The following CTDP1 variants were observed in gnomAD, a reference collection of about 807,000 sequenced individuals.
CTDP1 encodes the protein CTD phosphatase 1.
A neutral mutation model predicts 91.8 loss-of-function variants in CTDP1; 47 were observed. The observed-to-expected ratio is 0.51, with a 90% CI of 0.41 to 0.65. CTDP1 has a LOEUF of 0.65. Ranked by LOEUF, CTDP1 falls within the 30% of genes least tolerant of loss-of-function variation. The pLI is 0.00. For missense variants in CTDP1, 1,272 were observed against 1,373.7 expected, an observed-to-expected ratio of 0.93 and a Z score of 1.17; for synonymous variants, 656 against 598.5, an observed-to-expected ratio of 1.10 and a Z score of -1.40.
At chr18:79,695,678 C>G (rs1050612100) in intron 2 of CTDP1, among the ~76,000 whole-genome samples, 1 of 152,198 alleles carries the variant, frequency 6.6e-6, no homozygotes, top group African/African-American at 2.4e-5. Flanking sequence ...GGTGCGGCAG[C>G]TACTTTTTCT....
chr18:79,692,255 G>A (rs906862246), intron 1 of CTDP1, among the ~76,000 whole-genome samples: 4 of 152,066 alleles, frequency 2.6e-5, no homozygotes, highest in Non-Finnish European at 5.9e-5. Context: ...TTTGTGTGAA[G>A]CCCCACTGGC....
At position 79,704,850 on chromosome 18, in the gene CTDP1, G is replaced by T; in HGVS notation, c.705G>T (p.Lys235Asn). 6.2e-7 allele frequency: 1 copy of T among 1,614,014 alleles called. No individual in the cohort carries two copies. The highest frequency in any genetic ancestry group is 1.1e-5 in the South Asian group (1 of 91,090). Residue 235 changes from lysine (K) to asparagine (N), a missense_variant, in exon 5 of 13, where the codon AAG becomes AAT. This residue lies in a region of CTDP1 where 177 missense variants were observed against 283.0 expected (regional missense o/e 0.63). Transcript: ENST00000613122. ...LRPHCKDFLE[K>N]IAKLYELHVF... Reference sequence around the variant, plus strand: ...CACACTGCAAGGACTTCCTGGAGAAGATCGCCAAGCTGTACGAGCTGCACG... The same window carrying T: ...CACACTGCAAGGACTTCCTGGAGAATATCGCCAAGCTGTACGAGCTGCACG...
chr18:79,743,451 A>G (rs893176398), intron 12 of CTDP1, among the ~76,000 whole-genome samples: 12 of 143,510 alleles, frequency 8.4e-5, no homozygotes, highest in Non-Finnish European at 1.6e-4. Context: ...GCTTGAACCC[A>G]GGAGGTGGAG....
chr18:79,722,499 C>A (rs935798172), intron 10 of CTDP1, among the ~76,000 whole-genome samples: 2 of 152,144 alleles, frequency 1.3e-5, no homozygotes, highest in Admixed American at 6.5e-5. Context: ...CTCATTTATA[C>A]GAAAGGATGT....
intron 1 of CTDP1, among the ~76,000 whole-genome samples, chr18:79,694,116 C>T (rs983416614): frequency 6.6e-5 from 10 of 152,170 alleles, no homozygotes; most frequent in South Asian, 6.2e-4. Flanking sequence ...CTCATGTCCG[C>T]GGGTCAGGGT....
chr18:79,738,675 A>G (rs114258307), intron 12 of CTDP1, among the ~76,000 whole-genome samples: 1,698 of 152,382 alleles, frequency 0.011, 34 homozygotes, highest in African/African-American at 0.038. Context: ...AAATTGGGCC[A>G]GAAATTCCAG....
At chr18:79,679,596 C>A, upstream of CTDP1, 1 of 472,894 alleles carries the variant, frequency 2.1e-6, no homozygotes, top group South Asian at 1.5e-5. Context: ...TGGGACTGGG[C>A]GACAGCGGCC....
intron 10 of CTDP1, among the ~76,000 whole-genome samples, chr18:79,722,976 C>G (rs889289682): frequency 6.6e-6 from 1 of 152,208 alleles, no homozygotes; most frequent in Non-Finnish European, 1.5e-5. Context: ...AGAGTCCCCC[C>G]TGCTTGTCTG....
intron 1 of CTDP1, among the ~76,000 whole-genome samples, chr18:79,683,785 G>A (rs1447095317): frequency 6.6e-6 from 1 of 152,212 alleles, no homozygotes; most frequent in Non-Finnish European, 1.5e-5. Context: ...CAGATTTCCC[G>A]AGGGTGTTGT....
intron 10 of CTDP1, among the ~76,000 whole-genome samples, chr18:79,719,664 CCAT>C (rs2086293723): frequency 6.7e-6 from 1 of 149,868 alleles, no homozygotes; most frequent in African/African-American, 2.5e-5. Context: ...ATGTCACCTC[CCAT>C]CATTAGGAAA....
At chr18:79,748,344 G>A (rs1193034729) in intron 12 of CTDP1, among the ~76,000 whole-genome samples, 3 of 152,204 alleles carry the variant, frequency 2.0e-5, no homozygotes, top group Non-Finnish European at 4.4e-5. Context: ...GACCGAGGGT[G>A]CAGCATTCGC....
In CTDP1 at chr18:79,736,432, C is replaced by T. The variant is rs780015113; in HGVS notation, c.2658C>T (p.Pro886=). Residue 886 remains proline, a synonymous_variant, in exon 12 of 13, where the codon CCC becomes CCT. Transcript: ENST00000613122. The part of the protein sequence containing the change: ...KRRPEEQEEE[P]QPRKPGTRRE... ...GGCCTGAGGAGCAGGAGGAGGAGCCCCAGCCCCGGAAGCCAGGGACCCGCA... is the reference window on the plus strand; with the variant it reads ...GGCCTGAGGAGCAGGAGGAGGAGCCTCAGCCCCGGAAGCCAGGGACCCGCA... 1 of 1,549,398 alleles carries T rather than the reference C, an allele frequency of 6.5e-7. No homozygotes were observed. Among genetic ancestry groups the T allele is most frequent in the East Asian group, 2.4e-5 (1 of 40,916 alleles).
intron 5 of CTDP1, among the ~76,000 whole-genome samples, chr18:79,709,067 A>C (rs1385415190): frequency 6.6e-6 from 1 of 152,258 alleles, no homozygotes; most frequent in African/African-American, 2.4e-5. Context: ...TTGAGGCTTC[A>C]TAATTAACCG....
rs142825132 is a variant in CTDP1, at chr18:79,709,238, T to C, written c.773-1108T>C. On this transcript the variant is annotated intron_variant, in intron 5 of 12. Transcript: ENST00000613122. ...TACAAACTGAAATATGTTTCCTATA[T>C]ACTCTGTGGTTCTTGTAAACTAACA... Among the ~76,000 whole-genome samples, 23 of 152,378 alleles carry C rather than the reference T, an allele frequency of 1.5e-4. No homozygotes were observed. The East Asian group carries it at 4.4e-3, about 29-fold the overall frequency.
chr18:79,731,601 C>T (rs1296994852), intron 11 of CTDP1, among the ~76,000 whole-genome samples: 2 of 152,204 alleles, frequency 1.3e-5, no homozygotes, highest in East Asian at 1.9e-4. Flanking sequence ...AAGGAAAACC[C>T]GTCCCCGTGT....
In CTDP1 at chr18:79,736,427, G is replaced by C; in HGVS notation, c.2653G>C (p.Glu885Gln). ...EKRRPEEQEE[E>Q]PQPRKPGTRR... The stretch of plus-strand genomic sequence containing the variant: ...GAGGAGGCCTGAGGAGCAGGAGGAG[G>C]AGCCCCAGCCCCGGAAGCCAGGGAC... Residue 885 changes from glutamate (E) to glutamine (Q), a missense_variant, in exon 12 of 13, where the codon GAG (glutamate) becomes CAG (glutamine). Glu to Gln is a conservative substitution (Grantham distance 29, BLOSUM62 2). Around this residue, in one of 3 missense-constraint regions of CTDP1, gnomAD observed 881 missense variants for 911.6 expected, o/e 0.97. Coordinates refer to ENST00000613122, the MANE Select transcript of CTDP1 (RefSeq NM_004715.5). 1 of 1,549,452 alleles carries C rather than the reference G, an allele frequency of 6.5e-7. No individual in the cohort carries two copies. The highest frequency in any genetic ancestry group is 8.7e-7 in the Non-Finnish European group (1 of 1,146,980).
chr18:79,709,139 T>A (rs897967270), intron 5 of CTDP1, among the ~76,000 whole-genome samples: 2 of 152,258 alleles, frequency 1.3e-5, no homozygotes, highest in Non-Finnish European at 2.9e-5. Context: ...TTGAACTTGA[T>A]GCCTCCAACA....
chr18:79,717,372 C>G lies in CTDP1; in HGVS notation c.2069-163C>G, dbSNP rs676367. Among the ~76,000 whole-genome samples, 113,911 of 148,870 alleles carry G rather than the reference C, an allele frequency of 0.77. 43,511 individuals are homozygous for G. The highest frequency in any genetic ancestry group is 0.8 in the Middle Eastern group (224 of 280). ...AGCTGGGTGAGGGCCCTGAGCCCTGCAGGGGTGCAGTCAGGTGAAGGCCCT... is the reference window on the plus strand; with the variant it reads ...AGCTGGGTGAGGGCCCTGAGCCCTGGAGGGGTGCAGTCAGGTGAAGGCCCT... On this transcript the variant is annotated intron_variant, in intron 8 of 12. Coordinates refer to ENST00000613122, the MANE Select transcript of CTDP1 (RefSeq NM_004715.5).
intron 10 of CTDP1, among the ~76,000 whole-genome samples, chr18:79,724,935 G>A (rs770002109): frequency 7.2e-5 from 11 of 152,224 alleles, no homozygotes; most frequent in Non-Finnish European, 1.3e-4. Context: ...GTGCACCTGT[G>A]TGGTCTGTTT....
Sources: allele counts gnomAD v4.1 joint callset (sites outside exome capture counted in the v4.1 genomes callset), GRCh38; gene constraint gnomAD v4.1.1; regional missense constraint gnomAD v4.1.1; transcripts MANE v1.5; gene names NCBI Gene and HGNC (gene_info 2026-07-23, HGNC 2026-07-21).